Variants in KCNH1 observed in about 807,000 individuals in gnomAD.
The protein encoded by KCNH1 is potassium voltage-gated channel subfamily H member 1, also known as voltage-gated delayed rectifier potassium channel KCNH1.
A neutral mutation model predicts 69.2 loss-of-function variants in KCNH1; 27 were observed. The observed-to-expected ratio is 0.39, with a 90% CI of 0.29 to 0.54. The LOEUF (loss-of-function observed/expected upper bound fraction) is 0.54, where lower values mean the gene tolerates loss of function less well. KCNH1 is among the 20% of genes least tolerant of loss of function. The pLI is 0.68. For synonymous variants in KCNH1, 456 were observed against 487.7 expected (o/e 0.93, Z 0.86); for missense variants, 798 against 1,261.6 (o/e 0.63, Z 5.57).
At chr1:211,016,811 A>T (rs1689500277) in intron 6 of KCNH1, among the ~76,000 whole-genome samples, 1 of 148,062 alleles carries the variant, frequency 6.8e-6, no homozygotes, top group Non-Finnish European at 1.5e-5. Flanking sequence ...TGGGAGGCTG[A>T]GGCAGGAGAA....
chr1:210,875,243 A>T (rs564982114), intron 7 of KCNH1, among the ~76,000 whole-genome samples: 1 of 152,330 alleles, frequency 6.6e-6, no homozygotes, highest in African/African-American at 2.4e-5. Context: ...AATTACCTTT[A>T]ATAGTAAAAT....
intron 5 of KCNH1, among the ~76,000 whole-genome samples, chr1:211,073,004 A>G (rs1021927299): frequency 2.0e-5 from 3 of 152,242 alleles, no homozygotes; most frequent in Non-Finnish European, 4.4e-5. Context: ...ATGAAGACAC[A>G]TATTGATTAA....
intron 5 of KCNH1, among the ~76,000 whole-genome samples, chr1:211,023,977 G>A (rs555604032): frequency 6.6e-6 from 1 of 152,154 alleles, no homozygotes; most frequent in Non-Finnish European, 1.5e-5. Flanking sequence ...AAAAATGTTT[G>A]AGGTGATGGA....
intron 9 of KCNH1, among the ~76,000 whole-genome samples, chr1:210,776,826 CA>C (rs1476531886): frequency 6.6e-6 from 1 of 152,214 alleles, no homozygotes; most frequent in Non-Finnish European, 1.5e-5. Flanking sequence ...CTGCTTTTCA[CA>C]CCTAGGGATA....
intron 6 of KCNH1, among the ~76,000 whole-genome samples, chr1:210,978,754 G>C (rs997488271): frequency 3.3e-5 from 5 of 152,084 alleles, no homozygotes; most frequent in African/African-American, 1.2e-4. Flanking sequence ...ACATAGGTTG[G>C]CAGTCAGTCA....
intron 7 of KCNH1, among the ~76,000 whole-genome samples, chr1:210,841,355 C>T (rs1685405966): frequency 1.3e-5 from 2 of 152,300 alleles, no homozygotes; most frequent in Non-Finnish European, 2.9e-5. Context: ...CTAGTTCCTT[C>T]TAGCCATGAG....
intron 5 of KCNH1, among the ~76,000 whole-genome samples, chr1:211,047,378 T>G (rs1433582964): frequency 6.6e-6 from 1 of 152,156 alleles, no homozygotes; most frequent in African/African-American, 2.4e-5. Flanking sequence ...TGTGTGTACA[T>G]GCAAAACCGT....
intron 10 of KCNH1, among the ~76,000 whole-genome samples, chr1:210,771,764 G>A (rs1227536409): frequency 6.6e-6 from 1 of 152,188 alleles, no homozygotes; most frequent in African/African-American, 2.4e-5. Flanking sequence ...TTACAGAAAA[G>A]GAAGCTTTTA....
rs578250177 is a variant in KCNH1 at position 210,991,312 on chromosome 1, G to A, written c.1032+27471C>T. ...AAAATCTTGTCATTTGCAACACCAT[G>A]GGTAAACCTGGAAGACATTATGCTA... On this transcript the variant is annotated intron_variant, in intron 6 of 10. Transcript: ENST00000271751. Among the ~76,000 whole-genome samples the A allele has an allele frequency of 3.3e-5, 5 of 152,232 alleles. No homozygotes were observed. The South Asian group carries it at 8.3e-4, about 25-fold the overall frequency.
chr1:211,038,061 G>A (rs1035828761), intron 5 of KCNH1, among the ~76,000 whole-genome samples: 3 of 148,178 alleles, frequency 2.0e-5, no homozygotes, highest in Admixed American at 6.9e-5. Context: ...CCAGGTTCAC[G>A]CCATTCTCCT....
chr1:210,917,205 GAC>G (rs1205110831), intron 7 of KCNH1, among the ~76,000 whole-genome samples: 33 of 37,650 alleles, frequency 8.8e-4, no homozygotes, highest in Admixed American at 2.0e-3. Flanking sequence ...GAAAGAAAGG[GAC>G]AGAGAGAGAG....
At chr1:210,986,023 T>C (rs1420461900) in intron 6 of KCNH1, among the ~76,000 whole-genome samples, 1 of 152,242 alleles carries the variant, frequency 6.6e-6, no homozygotes, top group Non-Finnish European at 1.5e-5. Context: ...AATTGATCCC[T>C]TTACCATTAT....
chr1:211,031,629 C>T (rs1689787071), intron 5 of KCNH1, among the ~76,000 whole-genome samples: 1 of 152,072 alleles, frequency 6.6e-6, no homozygotes, highest in Non-Finnish European at 1.5e-5. Context: ...TAAAAATAAT[C>T]CAGCAAATAA....
intron 5 of KCNH1, among the ~76,000 whole-genome samples, chr1:211,081,915 A>G (rs1018838592): frequency 6.6e-6 from 1 of 152,206 alleles, no homozygotes; most frequent in African/African-American, 2.4e-5. Context: ...ATGTATACCT[A>G]TGTAATAAGC....
chr1:211,116,391 C>A (rs941246669), intron 1 of KCNH1, among the ~76,000 whole-genome samples: 2 of 152,134 alleles, frequency 1.3e-5, no homozygotes, highest in African/African-American at 2.4e-5. Flanking sequence ...ATTTTCAATG[C>A]CCTCACAGTC....
chr1:211,074,564 T>C (rs2102460447), intron 5 of KCNH1, among the ~76,000 whole-genome samples: 1 of 152,328 alleles, frequency 6.6e-6, no homozygotes, highest in East Asian at 1.9e-4. Flanking sequence ...TATAAAAATG[T>C]ATATGGGTAT....
At chr1:210,949,058 T>C (rs1688015788) in intron 6 of KCNH1, among the ~76,000 whole-genome samples, 1 of 152,212 alleles carries the variant, frequency 6.6e-6, no homozygotes, top group Non-Finnish European at 1.5e-5. Context: ...CCCTGTAGTT[T>C]GCTGACTCCT....
At chr1:211,111,087 T>G (rs886403447) in intron 1 of KCNH1, among the ~76,000 whole-genome samples, 7 of 152,172 alleles carry the variant, frequency 4.6e-5, no homozygotes, top group African/African-American at 1.7e-4. Flanking sequence ...TTTAATTAAT[T>G]TAATCATAAA....
rs945141462 is a variant in KCNH1 at position 210,680,851 on chromosome 1, AG to A, written c.*2429del. ...CGCTGATTCACGAGTGCATTCCTAA[AG>A]CTACATTCCCCCCAAGAACATGTCT... On this transcript the variant is annotated 3_prime_UTR_variant, in exon 11 of 11. Transcript: ENST00000271751. 1.3e-5 allele frequency: 2 copies of A among 152,186 alleles called. No homozygotes were observed. The highest frequency in any genetic ancestry group is 4.8e-5 in the African/African-American group (2 of 41,430). The allele number at this position is 152,186 out of a possible 1,614,324, so 9.4% of individuals were successfully genotyped here. A position where few individuals can be genotyped will look rare whatever the true frequency, so the allele number is the denominator to read the frequency against.
Sources: allele counts gnomAD v4.1 joint callset (sites outside exome capture counted in the v4.1 genomes callset), GRCh38; gene constraint gnomAD v4.1.1; transcripts MANE v1.5; gene names NCBI Gene and HGNC (gene_info 2026-07-23, HGNC 2026-07-21).